The following AOPEP variants were observed in gnomAD, a reference collection of about 807,000 sequenced individuals.
AOPEP encodes aminopeptidase O.
AOPEP carries 77 observed loss-of-function variants against 98.1 expected under a neutral mutation model. That is an observed-to-expected ratio of 0.78 (90% CI 0.65 to 0.95). AOPEP has a LOEUF of 0.95. Ranked by LOEUF, AOPEP falls within the 40% of genes least tolerant of loss-of-function variation. The pLI is 0.00. For missense variants in AOPEP, 1,024 were observed against 1,024.7 expected, an observed-to-expected ratio of 1.00 and a Z score of 0.01; for synonymous variants, 346 against 365.3, an observed-to-expected ratio of 0.95 and a Z score of 0.60.
chr9:94,807,298 A>G (rs1276773897), intron 5 of AOPEP, among the ~76,000 whole-genome samples: 1 of 152,146 alleles, frequency 6.6e-6, no homozygotes, highest in Non-Finnish European at 1.5e-5. Context: ...TCATTATACC[A>G]TGATTCTTCA....
At chr9:94,867,866 A>G (rs535327349) in intron 5 of AOPEP, among the ~76,000 whole-genome samples, 1 of 152,362 alleles carries the variant, frequency 6.6e-6, no homozygotes, top group South Asian at 2.1e-4. Context: ...AATTTAAGCC[A>G]GTTGCCTTTC....
intron 5 of AOPEP, among the ~76,000 whole-genome samples, chr9:94,813,858 T>C (rs1033209318): frequency 2.6e-5 from 4 of 152,274 alleles, no homozygotes; most frequent in South Asian, 2.1e-4. Context: ...CAATGTGAGA[T>C]TGATACTCGA....
chr9:94,978,575 G>A (rs1452913083), intron 10 of AOPEP, among the ~76,000 whole-genome samples: 1 of 152,124 alleles, frequency 6.6e-6, no homozygotes, highest in Non-Finnish European at 1.5e-5. Flanking sequence ...CTTCAGTCTG[G>A]GAGGAGGTCA....
At chr9:94,789,257 A>G (rs1435756970) in intron 3 of AOPEP, among the ~76,000 whole-genome samples, 1 of 152,300 alleles carries the variant, frequency 6.6e-6, no homozygotes, top group East Asian at 1.9e-4. Context: ...CTGGGGAGGA[A>G]GCAAAGGTGG....
Position 94,970,688 on chromosome 9 carries a change from C to T in AOPEP, c.1916+2887C>T, listed in dbSNP as rs1325008945. 2.7e-5 allele frequency among the ~76,000 whole-genome samples: 4 copies of T among 150,142 alleles called. No homozygotes were observed. The East Asian group carries it at 7.9e-4, about 30-fold the overall frequency. The stretch of plus-strand genomic sequence containing the variant: ...TGTTTTGGGAGGTCTGAAATGTTTT[C>T]AGATTTGCTGTCTTGAAAAAAAAAA... On this transcript the variant is annotated intron_variant, in intron 10 of 16. Coordinates refer to ENST00000375315, the MANE Select transcript of AOPEP (RefSeq NM_001193329.3).
intron 10 of AOPEP, among the ~76,000 whole-genome samples, chr9:94,977,265 T>C (rs935264585): frequency 1.3e-5 from 2 of 152,154 alleles, no homozygotes; most frequent in African/African-American, 4.8e-5. Flanking sequence ...CTGCTGGACA[T>C]GCCCCTGGAG....
chr9:94,760,143 A>C lies in AOPEP; in HGVS notation c.360A>C (p.Glu120Asp). The C allele has an allele frequency of 6.2e-7, 1 of 1,614,200 alleles. No homozygotes were observed. Among genetic ancestry groups the C allele is most frequent in the Non-Finnish European group, 8.5e-7 (1 of 1,180,028 alleles). Reference sequence around the variant, plus strand: ...AAGATGGTAACCATGACAACCAGGAACATGCTTCTGGGATTTCTAGCTCAA... The same window carrying C: ...AAGATGGTAACCATGACAACCAGGACCATGCTTCTGGGATTTCTAGCTCAA... ...SDKDGNHDNQ[E>D]HASGISSSKY... Residue 120 changes from glutamate to aspartate, a missense_variant, in exon 2 of 17, where the codon GAA (glutamate) becomes GAC (aspartate). Glu to Asp is a conservative substitution (Grantham distance 45). Transcript: ENST00000375315.
At chr9:95,113,157 G>A in the AOPEP span, among the ~76,000 whole-genome samples, 2 of 152,180 alleles carry the variant, frequency 1.3e-5, no homozygotes, top group African/African-American at 4.8e-5. Context: ...CAACCCCGCA[G>A]CCTCCATTGG....
intron 5 of AOPEP, among the ~76,000 whole-genome samples, chr9:94,902,082 A>G (rs1342050310): frequency 1.3e-5 from 2 of 152,204 alleles, no homozygotes; most frequent in African/African-American, 4.8e-5. Flanking sequence ...GGTCCTGGTC[A>G]CAGACCACAC....
At chr9:94,992,561 G>A (rs985713467) in intron 11 of AOPEP, among the ~76,000 whole-genome samples, 1 of 152,214 alleles carries the variant, frequency 6.6e-6, no homozygotes, top group Non-Finnish European at 1.5e-5. Flanking sequence ...TCTTTATTAT[G>A]AAGTTTTGTT....
At chr9:95,064,983 C>T (rs963418185) in intron 14 of AOPEP, among the ~76,000 whole-genome samples, 1 of 152,232 alleles carries the variant, frequency 6.6e-6, no homozygotes, top group Non-Finnish European at 1.5e-5. Flanking sequence ...TGACTTTCGT[C>T]TTCTGCTTTG....
At chr9:95,103,763 C>A in the AOPEP span, among the ~76,000 whole-genome samples, 1 of 152,186 alleles carries the variant, frequency 6.6e-6, no homozygotes, top group African/African-American at 2.4e-5. Flanking sequence ...TGGAGAAGAG[C>A]CCACTGCGCA....
chr9:94,987,527 T>C (rs1382494614), intron 11 of AOPEP, among the ~76,000 whole-genome samples: 1 of 152,150 alleles, frequency 6.6e-6, no homozygotes, highest in African/African-American at 2.4e-5. Flanking sequence ...CCAGCCCCAG[T>C]GAAATCAAGG....
chr9:94,853,190 TGGCTAA>T, intron 5 of AOPEP, among the ~76,000 whole-genome samples: 1 of 152,316 alleles, frequency 6.6e-6, no homozygotes, highest in Middle Eastern at 3.4e-3. Flanking sequence ...CTGGGCGCAG[TGGCTAA>T]TGCCCCTAAT....
At chr9:94,900,217 G>A (rs896053940) in intron 5 of AOPEP, among the ~76,000 whole-genome samples, 1 of 152,184 alleles carries the variant, frequency 6.6e-6, no homozygotes, top group East Asian at 1.9e-4. Flanking sequence ...ATGAGACTGG[G>A]GGTAAAAGGA....
intron 13 of AOPEP, among the ~76,000 whole-genome samples, chr9:95,053,308 T>C (rs1286811400): frequency 1.3e-5 from 2 of 152,366 alleles, no homozygotes; most frequent in African/African-American, 2.4e-5. Flanking sequence ...TATTTTCTTA[T>C]TATGTATCTT....
intron 2 of AOPEP, among the ~76,000 whole-genome samples, chr9:94,769,944 T>C (rs1403136585): frequency 6.6e-6 from 1 of 152,200 alleles, no homozygotes; most frequent in Non-Finnish European, 1.5e-5. Context: ...GGTGACAACA[T>C]GGTGGATTTT....
chr9:94,898,560 G>A lies in AOPEP; in HGVS notation c.1365-25426G>A, dbSNP rs142879072. Among the ~76,000 whole-genome samples the A allele has an allele frequency of 1.1e-3, 161 of 152,088 alleles. 2 individuals are homozygous for A. In the East Asian group the frequency reaches 0.027, roughly 25 times the overall value. On this transcript the variant is annotated intron_variant, in intron 5 of 16. Coordinates refer to ENST00000375315, the MANE Select transcript of AOPEP (RefSeq NM_001193329.3). ...AGGCAGGAGAATCGCTTGAACCCAGGAGGTGGAGCTTGCAGTGAGCCAGAT... is the reference window on the plus strand; with the variant it reads ...AGGCAGGAGAATCGCTTGAACCCAGAAGGTGGAGCTTGCAGTGAGCCAGAT...
chr9:94,850,041 A>G (rs113735117), intron 5 of AOPEP, among the ~76,000 whole-genome samples: 1 of 151,828 alleles, frequency 6.6e-6, no homozygotes, highest in Admixed American at 6.6e-5. Context: ...TCTCAAAAAA[A>G]AAAAAAAAAA....
Sources: gnomAD v4.1 joint callset for allele counts (sites outside exome capture counted in the v4.1 genomes callset) on GRCh38, gnomAD v4.1.1 for gene constraint, MANE v1.5 for transcripts, NCBI Gene and HGNC (gene_info 2026-07-23, HGNC 2026-07-21) for gene names.